The following KCND2 variants were observed in gnomAD, a reference collection of about 807,000 sequenced individuals.
The protein encoded by KCND2 is potassium voltage-gated channel subfamily D member 2.
Under a neutral mutation model 54.4 loss-of-function variants are expected in KCND2, and 16 were observed. The ratio of observed to expected loss-of-function variants is 0.29; its 90% CI spans 0.20 to 0.45. The LOEUF is 0.45. KCND2 is among the 20% of genes least tolerant of loss of function. KCND2 has a pLI of 1.00. For synonymous variants in KCND2, 317 were observed against 310.7 expected (o/e 1.02, Z -0.21); for missense variants, 486 against 824.2 (o/e 0.59, Z 5.02).
At chr7:120,488,498 T>C (rs1399639920) in intron 1 of KCND2, among the ~76,000 whole-genome samples, 1 of 152,164 alleles carries the variant, frequency 6.6e-6, no homozygotes, top group African/African-American at 2.4e-5. Context: ...AGTAAAATTT[T>C]AATTGATGTG....
At chr7:120,509,290 G>C (rs1803077185) in intron 1 of KCND2, among the ~76,000 whole-genome samples, 1 of 151,894 alleles carries the variant, frequency 6.6e-6, no homozygotes, top group Non-Finnish European at 1.5e-5. Flanking sequence ...GTTAATAATA[G>C]TCTATCACTA....
At chr7:120,613,141 C>T (rs1792977682) in intron 1 of KCND2, among the ~76,000 whole-genome samples, 2 of 150,720 alleles carry the variant, frequency 1.3e-5, no homozygotes, top group Admixed American at 6.6e-5. Context: ...CTAGCTATTA[C>T]GCAGTGATTC....
chr7:120,360,238 C>A (rs1800574155), intron 1 of KCND2, among the ~76,000 whole-genome samples: 2 of 152,006 alleles, frequency 1.3e-5, no homozygotes, highest in African/African-American at 4.8e-5. Flanking sequence ...ACCGAGTGCT[C>A]TTATAGGTTT....
At chr7:120,667,038 T>C (rs1791935539) in intron 1 of KCND2, among the ~76,000 whole-genome samples, 1 of 152,002 alleles carries the variant, frequency 6.6e-6, no homozygotes, top group South Asian at 2.1e-4. Flanking sequence ...ACTCTAAGTC[T>C]TGCAAAAGAC....
chr7:120,725,910 CCTT>C (rs1792728240), intron 1 of KCND2, among the ~76,000 whole-genome samples: 1 of 152,126 alleles, frequency 6.6e-6, no homozygotes, highest in Non-Finnish European at 1.5e-5. Flanking sequence ...TCCACGCACT[CCTT>C]GAAAGTTCAT....
At chr7:120,675,734 C>T (rs1384460115) in intron 1 of KCND2, among the ~76,000 whole-genome samples, 1 of 152,034 alleles carries the variant, frequency 6.6e-6, no homozygotes, top group Non-Finnish European at 1.5e-5. Flanking sequence ...ATTATGCTTG[C>T]ATAAAACTTT....
intron 1 of KCND2, among the ~76,000 whole-genome samples, chr7:120,448,387 C>A (rs1733161165): frequency 6.6e-6 from 1 of 152,018 alleles, no homozygotes; most frequent in African/African-American, 2.4e-5. Context: ...GCATAGTATC[C>A]CATGGTGTAT....
At chr7:120,551,429 T>C (rs981701494) in intron 1 of KCND2, among the ~76,000 whole-genome samples, 8 of 152,264 alleles carry the variant, frequency 5.3e-5, no homozygotes, top group African/African-American at 1.9e-4. Context: ...TCCTAGGTAT[T>C]GGAGATATAA....
chr7:120,417,933 A>C (rs1036204159), intron 1 of KCND2, among the ~76,000 whole-genome samples: 27 of 152,176 alleles, frequency 1.8e-4, no homozygotes, highest in African/African-American at 6.3e-4. Context: ...GACTTCTTTT[A>C]ATGGCCCTTT....
intron 1 of KCND2, among the ~76,000 whole-genome samples, chr7:120,353,394 A>G (rs1227029561): frequency 6.6e-6 from 1 of 152,150 alleles, no homozygotes; most frequent in African/African-American, 2.4e-5. Flanking sequence ...GCAGGCTTTT[A>G]GTAACTCAAT....
At chr7:120,596,224 C>G (rs1031668853) in intron 1 of KCND2, among the ~76,000 whole-genome samples, 1 of 152,082 alleles carries the variant, frequency 6.6e-6, no homozygotes, top group African/African-American at 2.4e-5. Context: ...AACTTTTGGG[C>G]TTTTAAAAAT....
chr7:120,288,193 A>G (rs1476054577), intron 1 of KCND2, among the ~76,000 whole-genome samples: 2 of 152,138 alleles, frequency 1.3e-5, no homozygotes, highest in African/African-American at 2.4e-5. Context: ...GTTGTAATAA[A>G]AGTAAAGAAA....
Position 120,495,830 on chromosome 7 carries a change from T to C in KCND2, c.1115+220083T>C, listed in dbSNP as rs970088869. Among the ~76,000 whole-genome samples, 2 of 152,130 alleles carry C rather than the reference T, an allele frequency of 1.3e-5. 1 individual carries two copies. Among genetic ancestry groups the C allele is most frequent in the South Asian group, 4.1e-4 (2 of 4,828 alleles). ...TCACAAATAGTAATTCTGTCTTTAA[T>C]GCAGCAAAAATGGTTAAGAATTTTC... On this transcript the variant is annotated intron_variant, in intron 1 of 5. Transcript: ENST00000331113.
At position 120,631,126 on chromosome 7, in the gene KCND2, C is replaced by T. The variant is rs573905813; in HGVS notation, c.1116-101777C>T. ...TAATCTTTTGATTTTCTTGCATTCA[C>T]GTGGCATTAAATTGAATGTAAGGTC... On this transcript the variant is annotated intron_variant, in intron 1 of 5. Coordinates refer to ENST00000331113, the MANE Select transcript of KCND2 (RefSeq NM_012281.3). 7.2e-4 allele frequency among the ~76,000 whole-genome samples: 109 copies of T among 152,174 alleles called. 2 individuals carry two copies. Among genetic ancestry groups the T allele is most frequent in the African/African-American group, 2.5e-3 (102 of 41,550 alleles).
At chr7:120,370,691 G>GA (rs540661805) in intron 1 of KCND2, among the ~76,000 whole-genome samples, 49 of 151,958 alleles carry the variant, frequency 3.2e-4, no homozygotes, top group Non-Finnish European at 6.5e-4. Context: ...GCAAAGCACA[G>GA]AAAAATCAGT....
intron 1 of KCND2, among the ~76,000 whole-genome samples, chr7:120,449,360 A>G (rs566528787): frequency 2.9e-4 from 44 of 151,912 alleles, no homozygotes; most frequent in African/African-American, 9.7e-4. Flanking sequence ...TCTCCTCTTT[A>G]AAGATTTCAT....
At chr7:120,288,475 G>T (rs1235803320) in intron 1 of KCND2, among the ~76,000 whole-genome samples, 1 of 152,086 alleles carries the variant, frequency 6.6e-6, no homozygotes, top group African/African-American at 2.4e-5. Flanking sequence ...GATTATAATT[G>T]AGCATAAGGG....
chr7:120,389,958 T>G (rs1332714154), intron 1 of KCND2, among the ~76,000 whole-genome samples: 2 of 151,922 alleles, frequency 1.3e-5, no homozygotes, highest in African/African-American at 4.8e-5. Flanking sequence ...TATAAACTTA[T>G]GTTCACCATA....
At chr7:120,698,213 C>T (rs1792356913) in intron 1 of KCND2, among the ~76,000 whole-genome samples, 1 of 151,856 alleles carries the variant, frequency 6.6e-6, no homozygotes, top group South Asian at 2.1e-4. Context: ...TGGGGTTTTG[C>T]CATGTTGGCC....
Sources: gnomAD v4.1 joint callset for allele counts (sites outside exome capture counted in the v4.1 genomes callset) on GRCh38, gnomAD v4.1.1 for gene constraint, MANE v1.5 for transcripts, NCBI Gene and HGNC (gene_info 2026-07-23, HGNC 2026-07-21) for gene names.